The following PLOD3 variants were observed in gnomAD, a reference collection of about 807,000 sequenced individuals.
PLOD3 encodes multifunctional procollagen lysine hydroxylase and glycosyltransferase LH3.
A neutral mutation model predicts 96.9 loss-of-function variants in PLOD3; 73 were observed. The observed-to-expected ratio is 0.75, with a 90% CI of 0.62 to 0.92. The LOEUF is 0.92. Ranked by LOEUF, PLOD3 falls within the 40% of genes least tolerant of loss-of-function variation. The pLI, the probability that PLOD3 is intolerant of heterozygous loss-of-function variation, is 0.00. For missense variants in PLOD3, 1,004 were observed against 1,004.3 expected, an observed-to-expected ratio of 1.00 and a Z score of 0.00; for synonymous variants, 454 against 413.7, an observed-to-expected ratio of 1.10 and a Z score of -1.18.
intron 6 of PLOD3, chr7:101,213,488 C>A: frequency 2.0e-5 from 9 of 453,878 alleles, no homozygotes; most frequent in East Asian, 8.0e-5. Context: ...TACCCCTCCT[C>A]ATATTCTCTC....
chr7:101,210,841 C>T (rs1798170901), intron 12 of PLOD3, 168 bp from the exon 13 acceptor site: 4 of 664,132 alleles, frequency 6.0e-6, no homozygotes, highest in East Asian at 2.7e-5. Context: ...TCCCAAAATG[C>T]GGTCAGTTCC....
chr7:101,215,528 C>CAA (rs1468549001), intron 5 of PLOD3, among the ~76,000 whole-genome samples: 2 of 152,098 alleles, frequency 1.3e-5, no homozygotes, highest in African/African-American at 4.8e-5. Context: ...TTGTGAGAGA[C>CAA]AGAGTCTCAT....
chr7:101,210,461 G>T lies in PLOD3; in HGVS notation c.1501-17C>A, dbSNP rs373543811. 5.2e-5 allele frequency: 84 copies of T among 1,613,660 alleles called. No individual in the cohort carries two copies. Among genetic ancestry groups the T allele is most frequent in the South Asian group, 6.6e-5 (6 of 91,070 alleles). The stretch of plus-strand genomic sequence containing the variant: ...GAAGATGCCCTGTAGTGGGGTGGGG[G>T]TGTCCGTGATGCAGGCGATGCCTGG... On this transcript the variant is annotated splice_polypyrimidine_tract_variant and intron_variant, in intron 13 of 18. Coordinates refer to ENST00000223127, the MANE Select transcript of PLOD3 (RefSeq NM_001084.5).
At position 101,213,144 on chromosome 7, in the gene PLOD3, G is replaced by A. The variant is rs144851657; in HGVS notation, c.740C>T (p.Thr247Met). The A allele has an allele frequency of 1.5e-4, 247 of 1,613,620 alleles. No homozygotes were observed. In the African/African-American group the frequency reaches 2.7e-3, roughly 18 times the overall value. The stretch of plus-strand genomic sequence containing the variant: ...GTTTCCATGGACCACAATGGGGAGC[G>A]TGTCGTAGGCCACGTTCCGGATACG... ...RVRIRNVAYD[T>M]LPIVVHGNGP... Residue 247 changes from threonine to methionine, a missense_variant, in exon 7 of 19, where the codon ACG becomes ATG. This residue lies in a region of PLOD3 where 690 missense variants were observed against 650.2 expected (regional missense o/e 1.06). Transcript: ENST00000223127.
chr7:101,207,691 G>A lies in PLOD3; in HGVS notation c.1822C>T (p.Pro608Ser). The A allele has an allele frequency of 6.2e-7, 1 of 1,613,882 alleles. No individual in the cohort carries two copies. The highest frequency in any genetic ancestry group is 8.5e-7 in the Non-Finnish European group (1 of 1,179,924). Reference sequence around the variant, plus strand: ...TGCTTCATGTGGATGTCCACGGTGGGCACATTCTCGTAGCCTCCAGCCAGC... The same window carrying A: ...TGCTTCATGTGGATGTCCACGGTGGACACATTCTCGTAGCCTCCAGCCAGC... ...SRLAGGYENV[P>S]TVDIHMKQVG... Residue 608 changes from proline to serine, a missense_variant, in exon 17 of 19, where the codon CCC (proline) becomes TCC (serine). Pro to Ser is a moderately conservative substitution (Grantham distance 74, BLOSUM62 -1). Transcript: ENST00000223127.
Position 101,206,027 on chromosome 7 carries a change from T to C in PLOD3, c.*254A>G. On this transcript the variant is annotated 3_prime_UTR_variant, in exon 19 of 19. Transcript: ENST00000223127. ...TCAGAGTGAGACTGCGGAACATTAA[T>C]AATTTATCACGCGGGGAGTCCCCAG... 1.7e-6 allele frequency: 1 copy of C among 580,312 alleles called. No individual in the cohort carries two copies. The highest frequency in any genetic ancestry group is 2.0e-5 in the South Asian group (1 of 50,698). The allele number at this position is 580,312 out of a possible 1,614,324, so 35.9% of individuals were successfully genotyped here.
chr7:101,213,634 A>C (rs985870031), intron 6 of PLOD3: 11 of 198,684 alleles, frequency 5.5e-5, no homozygotes, highest in Non-Finnish European at 6.3e-5. Flanking sequence ...CTCTTGCCTC[A>C]GCCTTTCAGG....
chr7:101,216,611 G>A, intron 2 of PLOD3, 65 bp from the exon 3 acceptor site: 3 of 1,610,958 alleles, frequency 1.9e-6, no homozygotes, highest in Non-Finnish European at 1.7e-6. Flanking sequence ...TCCTGACCAG[G>A]CTTACCGTGG....
rs142750553 is a variant in PLOD3, at chr7:101,211,564, G to A, written c.1358+27C>T. 2.8e-4 allele frequency: 448 copies of A among 1,592,680 alleles called. 5 individuals are homozygous for A. The East Asian group carries it at 9.5e-3, about 34-fold the overall frequency. ...ACCTGGGCCCCGGGTCGGAGGAGGC[G>A]GGGGGCTGCAGGCTGGCGGGACTCA... On this transcript the variant is annotated intron_variant, in intron 12 of 18. Transcript: ENST00000223127.
rs770938015 is a variant in PLOD3, at chr7:101,212,556, T to C, written c.979A>G (p.Arg327Gly). Residue 327 changes from arginine to glycine, a missense_variant, in exon 9 of 19, where the codon AGG becomes GGG. This residue lies in a region of PLOD3 where 690 missense variants were observed against 650.2 expected (regional missense o/e 1.06). Transcript: ENST00000223127. The part of the protein sequence containing the change: ...RLLLLDYPPD[R>G]VTLFLHNNEV... ...TTGTTGTGCAGGAAAAGGGTGACCC[T>C]GTCGGGGGGATAGTCCAGGAGTAGC... is the stretch of plus-strand genomic sequence containing the variant. 1.9e-6 allele frequency: 3 copies of C among 1,612,964 alleles called. No homozygotes were observed. Among genetic ancestry groups the C allele is most frequent in the Non-Finnish European group, 1.7e-6 (2 of 1,179,720 alleles).
In PLOD3 at chr7:101,216,449, T is replaced by G. The variant is rs757627466; in HGVS notation, c.299A>C (p.Tyr100Ser). ...VRWLKKEMEK[Y>S]ADREDMIIMF... ...GATGATCATATCCTCCCGGTCAGCG[T>G]ATTTCTCCATTTCCTTCTTTAACCA... is the stretch of plus-strand genomic sequence containing the variant. The change falls in exon 3 of 19, where the codon TAC (tyrosine) becomes TCC (serine). Residue 100 changes from tyrosine to serine, a missense_variant. Tyr to Ser is a moderately radical substitution (Grantham distance 144, BLOSUM62 -2). Coordinates refer to ENST00000223127, the MANE Select transcript of PLOD3 (RefSeq NM_001084.5). 6.2e-7 allele frequency: 1 copy of G among 1,614,098 alleles called. No homozygotes were observed. The highest frequency in any genetic ancestry group is 1.7e-5 in the Admixed American group (1 of 60,010).
Position 101,207,525 on chromosome 7 carries a change from T to C in PLOD3, c.1935+53A>G, listed in dbSNP as rs112880798. On this transcript the variant is annotated intron_variant, in intron 17 of 18. Transcript: ENST00000223127. ...AAGGGGTCTGCGTGGAGACTTCCTG[T>C]CCGGGACTGGGGTGGGGAAGGTGGG... is the stretch of plus-strand genomic sequence containing the variant. 8.5e-3 allele frequency: 13,606 copies of C among 1,591,514 alleles called. 229 individuals carry two copies. Among genetic ancestry groups the C allele is most frequent in the East Asian group, 0.079 (3,516 of 44,596 alleles).
chr7:101,207,491 C>G (rs1187941045), intron 17 of PLOD3, 87 bp downstream of exon 17: 1 of 1,398,388 alleles, frequency 7.2e-7, no homozygotes, highest in Non-Finnish European at 1.0e-6. Flanking sequence ...CAAATGCTGC[C>G]GGGGCCGAAA....
Position 101,206,900 on chromosome 7 carries a change from C to T in PLOD3, c.1940G>A (p.Arg647Gln), listed in dbSNP as rs376302927. ...SLFPGYHTKA[R>Q]AVMNFVVRYR... is the part of the protein sequence containing the mutation. ...GCGAACCACAAAGTTCATCACCGCC[C>T]GCGCCTGGGGGAGAGGAGGGAAGAG... The change falls in exon 18 of 19, where the codon CGG becomes CAG. Residue 647 changes from arginine to glutamine, a missense_variant. This residue lies in a region of PLOD3 where 222 missense variants were observed against 220.4 expected (regional missense o/e 1.01). Coordinates refer to ENST00000223127, the MANE Select transcript of PLOD3 (RefSeq NM_001084.5). 59 of 1,556,650 alleles carry T rather than the reference C, an allele frequency of 3.8e-5. No homozygotes were observed. Among genetic ancestry groups the T allele is most frequent in the Non-Finnish European group, 4.6e-5 (53 of 1,149,670 alleles).
intron 1 of PLOD3, 81 bp downstream of exon 1, chr7:101,217,085 C>A (rs1798289760): frequency 4.3e-6 from 6 of 1,390,862 alleles, no homozygotes; most frequent in Non-Finnish European, 4.7e-6. Flanking sequence ...CCTCCTCGAG[C>A]CTCCGACCCT....
chr7:101,213,205 C>T lies in PLOD3; in HGVS notation c.680-1G>A. ...CGATCAAACTTTAAAACCACTTCATCTGGGGAAGAAAAAGGCCAGGCTTCA... is the reference window on the plus strand; with the variant it reads ...CGATCAAACTTTAAAACCACTTCATTTGGGGAAGAAAAAGGCCAGGCTTCA... On this transcript the variant is annotated splice_acceptor_variant, in intron 6 of 18. Transcript: ENST00000223127. LOFTEE classifies it high-confidence loss of function. The T allele has an allele frequency of 1.9e-6, 3 of 1,608,376 alleles. No homozygotes were observed. Among genetic ancestry groups the T allele is most frequent in the Non-Finnish European group, 2.6e-6 (3 of 1,174,848 alleles).
chr7:101,206,751 G>A (rs369778936), intron 18 of PLOD3, 28 bp downstream of exon 18: 46 of 1,572,608 alleles, frequency 2.9e-5, no homozygotes, highest in Admixed American at 5.6e-5. Flanking sequence ...GAGGTGAAGC[G>A]TGGGTGGGTA....
rs760055293 is a variant in PLOD3, at chr7:101,212,196, G to A, written c.1127+57C>T. 987 of 1,598,964 alleles carry A rather than the reference G, an allele frequency of 6.2e-4. 1 individual carries two copies. Among genetic ancestry groups the A allele is most frequent in the Non-Finnish European group, 7.8e-4 (921 of 1,174,774 alleles). On this transcript the variant is annotated intron_variant, in intron 10 of 18. Transcript: ENST00000223127. ...GGCAAGGGCCAGGCAGCAGGTGGCAGCACCCCTGACCCTACAGCCTCATCC... is the reference window on the plus strand; with the variant it reads ...GGCAAGGGCCAGGCAGCAGGTGGCAACACCCCTGACCCTACAGCCTCATCC...
chr7:101,209,558 T>G (rs1429956544), intron 15 of PLOD3, among the ~76,000 whole-genome samples: 1 of 150,008 alleles, frequency 6.7e-6, no homozygotes. Flanking sequence ...TTGTGTTTTT[T>G]TTTTTTTTTT....
Sources: gnomAD v4.1 joint callset for allele counts (sites outside exome capture counted in the v4.1 genomes callset) on GRCh38, gnomAD v4.1.1 for gene constraint, gnomAD v4.1.1 regional missense constraint, MANE v1.5 for transcripts, NCBI Gene and HGNC (gene_info 2026-07-23, HGNC 2026-07-21) for gene names.